CCDC192: variants seen among roughly 807,000 people sequenced by gnomAD.
The protein encoded by CCDC192 is coiled-coil domain containing 192.
intron 6 of CCDC192, among the ~76,000 whole-genome samples, chr5:127,902,353 G>GTT (rs769152542): frequency 6.3e-5 from 9 of 143,932 alleles, no homozygotes; most frequent in African/African-American, 1.5e-4. Context: ...AGCTATAAAA[G>GTT]TTTTTTTTTT....
intron 6 of CCDC192, among the ~76,000 whole-genome samples, chr5:127,921,507 C>T (rs1753720390): frequency 1.3e-5 from 2 of 152,198 alleles, no homozygotes; most frequent in Admixed American, 1.3e-4. Flanking sequence ...TAAATGTCAA[C>T]ATGTGCATTA....
At chr5:127,843,741 A>C (rs973905417) in intron 5 of CCDC192, among the ~76,000 whole-genome samples, 11 of 152,176 alleles carry the variant, frequency 7.2e-5, no homozygotes, top group African/African-American at 2.4e-4. Context: ...CCCAGCCCCA[A>C]GAATAACTCT....
chr5:127,707,887 T>G, intron 2 of CCDC192, 127 bp downstream of exon 2: 1 of 373,040 alleles, frequency 2.7e-6, no homozygotes, highest in East Asian at 3.8e-5. Context: ...TAGTAAAGAT[T>G]TTAGAAATAA....
chr5:127,806,751 G>A (rs1349678900), intron 5 of CCDC192, among the ~76,000 whole-genome samples: 1 of 152,046 alleles, frequency 6.6e-6, no homozygotes, highest in Admixed American at 6.6e-5. Context: ...AGCCATTGAG[G>A]CTCACCCAGA....
chr5:127,852,228 A>G (rs1025909601), intron 5 of CCDC192, among the ~76,000 whole-genome samples: 1 of 152,228 alleles, frequency 6.6e-6, no homozygotes. Flanking sequence ...TTGAAGGTAT[A>G]TGTAAAATAG....
intron 6 of CCDC192, among the ~76,000 whole-genome samples, chr5:127,877,050 A>C (rs1752110312): frequency 6.6e-6 from 1 of 152,208 alleles, no homozygotes; most frequent in Admixed American, 6.5e-5. Flanking sequence ...ATTAGAAGAA[A>C]CTGACAATGA....
chr5:127,933,100 G>C (rs1439588404), intron 6 of CCDC192, among the ~76,000 whole-genome samples: 1 of 152,188 alleles, frequency 6.6e-6, no homozygotes, highest in Non-Finnish European at 1.5e-5. Context: ...AGTGAGAATT[G>C]TGGAAATGTA....
intron 2 of CCDC192, among the ~76,000 whole-genome samples, chr5:127,733,932 T>C (rs1561453626): frequency 7.4e-6 from 1 of 135,534 alleles, no homozygotes; most frequent in Non-Finnish European, 1.5e-5. Flanking sequence ...TATATATATA[T>C]TTTTTTATTA....
chr5:127,762,855 A>G (rs915575737), intron 3 of CCDC192, among the ~76,000 whole-genome samples: 6 of 152,208 alleles, frequency 3.9e-5, no homozygotes, highest in African/African-American at 1.4e-4. Flanking sequence ...GTCTACAAAT[A>G]AATTAGTAAG....
At chr5:127,847,569 C>T (rs896968067) in intron 5 of CCDC192, among the ~76,000 whole-genome samples, 17 of 152,044 alleles carry the variant, frequency 1.1e-4, no homozygotes, top group African/African-American at 2.9e-4. Flanking sequence ...TCATTTTGTA[C>T]GTTTCTGATT....
chr5:127,903,377 G>C (rs1016152804), intron 6 of CCDC192, among the ~76,000 whole-genome samples: 1 of 151,998 alleles, frequency 6.6e-6, no homozygotes, highest in African/African-American at 2.4e-5. Context: ...TGAGTAGCTG[G>C]GATTACAGGC....
chr5:127,830,856 A>G, intron 5 of CCDC192, among the ~76,000 whole-genome samples: 1 of 152,214 alleles, frequency 6.6e-6, no homozygotes, highest in East Asian at 1.9e-4. Flanking sequence ...CTTCTTTATG[A>G]AAAAGTAAAA....
intron 6 of CCDC192, among the ~76,000 whole-genome samples, chr5:127,923,940 C>T (rs1390318463): frequency 2.0e-5 from 3 of 152,198 alleles, no homozygotes; most frequent in African/African-American, 7.2e-5. Context: ...CCTGGCTCCC[C>T]AGAGCTACCA....
intron 6 of CCDC192, among the ~76,000 whole-genome samples, chr5:127,908,963 T>A (rs116502744): frequency 6.6e-6 from 1 of 152,342 alleles, no homozygotes; most frequent in African/African-American, 2.4e-5. Context: ...TTTTGACCAA[T>A]GAAATGTAAC....
At chr5:127,757,767 T>TACACACACACACAC (rs60177261) in intron 3 of CCDC192, among the ~76,000 whole-genome samples, 1 of 129,602 alleles carries the variant, frequency 7.7e-6, no homozygotes. Flanking sequence ...AGACAAGGAT[T>TACACACACACACAC]ACACACACAC....
intron 2 of CCDC192, among the ~76,000 whole-genome samples, chr5:127,752,859 G>A (rs1343237310): frequency 6.6e-6 from 1 of 152,176 alleles, no homozygotes; most frequent in Non-Finnish European, 1.5e-5. Context: ...GTATTCGGGT[G>A]GGAGTGACCC....
Position 127,707,779 on chromosome 5 carries a change from A to G in CCDC192, c.114+19A>G, listed in dbSNP as rs1751056278. 1 of 398,352 alleles carries G rather than the reference A, an allele frequency of 2.5e-6. No individual in the cohort carries two copies. Among genetic ancestry groups the G allele is most frequent in the Admixed American group, 4.4e-5 (1 of 22,696 alleles). 24.7% of individuals were successfully genotyped at this position (398,352 alleles called of 1,614,324 possible). A position where few individuals can be genotyped will look rare whatever the true frequency, so the allele number is the denominator to read the frequency against. On this transcript the variant is annotated intron_variant, in intron 2 of 6. Coordinates refer to ENST00000514853, the MANE Select transcript of CCDC192 (RefSeq NM_001317938.2). ...AGTATCGGTAAGAAATGAAGTTTGT[A>G]TGAATTCTTTATTTAAAAAAATCAT...
chr5:127,704,854 T>G (rs1450621074), intron 1 of CCDC192, among the ~76,000 whole-genome samples: 2 of 87,472 alleles, frequency 2.3e-5, no homozygotes, highest in African/African-American at 8.2e-5. Flanking sequence ...AATAAATAAA[T>G]AAATAAATAA....
chr5:127,797,841 C>A (rs1757266925), intron 4 of CCDC192, among the ~76,000 whole-genome samples: 1 of 146,414 alleles, frequency 6.8e-6, no homozygotes, highest in Non-Finnish European at 1.5e-5. Context: ...TTTGCATTAA[C>A]CGTAGCACAT....
Sources: allele counts gnomAD v4.1 joint callset (sites outside exome capture counted in the v4.1 genomes callset), GRCh38; gene constraint gnomAD v4.1.1; transcripts MANE v1.5; gene names NCBI Gene and HGNC (gene_info 2026-07-23, HGNC 2026-07-21).